THSD4: variants seen among roughly 807,000 people sequenced by gnomAD.
The protein encoded by THSD4 is thrombospondin type 1 domain containing 4, also known as thrombospondin type-1 domain-containing protein 4.
In THSD4, 69 loss-of-function variants were observed where a neutral mutation model predicts 119.0. That is an observed-to-expected ratio of 0.58 (90% CI 0.48 to 0.71). The LOEUF (loss-of-function observed/expected upper bound fraction) is 0.71. Ranked by LOEUF, THSD4 falls within the 30% of genes least tolerant of loss-of-function variation. The pLI is 0.00. For synonymous variants in THSD4, 524 were observed against 540.4 expected (o/e 0.97, Z 0.42); for missense variants, 1,393 against 1,391.1 (o/e 1.00, Z -0.02).
intron 6 of THSD4, among the ~76,000 whole-genome samples, chr15:71,319,044 G>C (rs1038321175): frequency 6.6e-5 from 10 of 152,294 alleles, no homozygotes; most frequent in Admixed American, 2.6e-4. Flanking sequence ...TTTAGAACCA[G>C]ATCTCCTGGA....
At chr15:71,622,803 A>G (rs1363270322) in intron 7 of THSD4, among the ~76,000 whole-genome samples, 3 of 152,216 alleles carry the variant, frequency 2.0e-5, no homozygotes, top group African/African-American at 7.2e-5. Context: ...TTGATCATAC[A>G]GTATTGGAAA....
intron 8 of THSD4, among the ~76,000 whole-genome samples, chr15:71,679,198 C>G (rs1157179079): frequency 6.6e-6 from 1 of 152,080 alleles, no homozygotes; most frequent in Non-Finnish European, 1.5e-5. Flanking sequence ...GAAAAGAGAC[C>G]CAGTGCTATG....
In THSD4 at chr15:71,195,555, C is replaced by A. The variant is rs532087134; in HGVS notation, c.100-19480C>A. ...GAGGTAGGGGGTGGCCAGGGGAGGG[C>A]CAATAACAAGTCCAGTTAAAAAGGC... On this transcript the variant is annotated intron_variant, in intron 3 of 17. Coordinates refer to ENST00000261862, the MANE Select transcript of THSD4 (RefSeq NM_024817.3). Among the ~76,000 whole-genome samples, 276 of 152,196 alleles carry A rather than the reference C, an allele frequency of 1.8e-3. 1 individual carries two copies. Among genetic ancestry groups the A allele is most frequent in the Middle Eastern group, 3.4e-3 (1 of 294 alleles).
At chr15:71,442,574 A>AT (rs2047113499) in intron 7 of THSD4, among the ~76,000 whole-genome samples, 1 of 62,488 alleles carries the variant, frequency 1.6e-5, no homozygotes, top group African/African-American at 5.5e-5. Context: ...ATCTCAAAAA[A>AT]AAAAAATATA....
At chr15:71,109,023 CA>C (rs1191650009) in intron 1 of THSD4, among the ~76,000 whole-genome samples, 4 of 151,878 alleles carry the variant, frequency 2.6e-5, no homozygotes, top group Non-Finnish European at 5.9e-5. Flanking sequence ...AAAAAACAAA[CA>C]AAAAAACAAA....
chr15:71,661,958 G>T (rs144026084), intron 8 of THSD4, among the ~76,000 whole-genome samples: 5 of 152,272 alleles, frequency 3.3e-5, no homozygotes, highest in African/African-American at 1.2e-4. Context: ...GGCACAGAGA[G>T]ATTATGTACC....
Position 71,658,651 on chromosome 15 carries a change from A to T in THSD4, c.1153-1879A>T, listed in dbSNP as rs567503148. On this transcript the variant is annotated intron_variant, in intron 7 of 17. Coordinates refer to ENST00000261862, the MANE Select transcript of THSD4 (RefSeq NM_024817.3). ...ATTCAAGGGGGGTGGGGCTATGGAA[A>T]TCACACATGGAAAACATATTCCTTA... Among the ~76,000 whole-genome samples the T allele has an allele frequency of 3.2e-4, 48 of 152,338 alleles. 1 individual carries two copies. In the South Asian group the frequency reaches 9.5e-3, roughly 30 times the overall value.
At chr15:71,465,234 T>C (rs2047483250) in intron 7 of THSD4, among the ~76,000 whole-genome samples, 1 of 152,198 alleles carries the variant, frequency 6.6e-6, no homozygotes, top group African/African-American at 2.4e-5. Flanking sequence ...GGAAACAAGG[T>C]CTCCCACAGG....
At chr15:71,393,149 C>T (rs972527049) in intron 6 of THSD4, among the ~76,000 whole-genome samples, 2 of 151,542 alleles carry the variant, frequency 1.3e-5, no homozygotes, top group Non-Finnish European at 1.5e-5. Context: ...GGGATTATGC[C>T]CCCTGCGTTC....
At chr15:71,286,244 T>C (rs758440382) in intron 6 of THSD4, among the ~76,000 whole-genome samples, 5 of 152,220 alleles carry the variant, frequency 3.3e-5, no homozygotes, top group Non-Finnish European at 5.9e-5. Flanking sequence ...GTTGTACAGA[T>C]TACTTCATCA....
At chr15:71,379,633 T>C (rs930032747) in intron 6 of THSD4, among the ~76,000 whole-genome samples, 7 of 151,638 alleles carry the variant, frequency 4.6e-5, no homozygotes, top group African/African-American at 1.7e-4. Context: ...TAATTTTTTG[T>C]ATTTTTAGTA....
intron 7 of THSD4, among the ~76,000 whole-genome samples, chr15:71,519,632 G>T (rs867741126): frequency 1.3e-5 from 2 of 152,346 alleles, no homozygotes; most frequent in Non-Finnish European, 1.5e-5. Context: ...AAAGTGCTGG[G>T]ATGACAGGCA....
At chr15:71,597,132 TG>T (rs2049920268) in intron 7 of THSD4, among the ~76,000 whole-genome samples, 2 of 152,216 alleles carry the variant, frequency 1.3e-5, no homozygotes. Flanking sequence ...TGTTTCTGGG[TG>T]GGGCCATTGA....
At chr15:71,399,130 TG>T (rs1251717610) in intron 6 of THSD4, among the ~76,000 whole-genome samples, 1 of 151,642 alleles carries the variant, frequency 6.6e-6, no homozygotes, top group Non-Finnish European at 1.5e-5. Flanking sequence ...AGTAGTGAGG[TG>T]GGGGGTGCAG....
intron 4 of THSD4, among the ~76,000 whole-genome samples, chr15:71,239,891 C>T (rs867822088): frequency 6.6e-6 from 1 of 152,216 alleles, no homozygotes; most frequent in African/African-American, 2.4e-5. Context: ...TTCTCCTGGC[C>T]AAGCCAGAAT....
intron 6 of THSD4, among the ~76,000 whole-genome samples, chr15:71,260,176 G>A (rs1252622238): frequency 3.3e-5 from 5 of 152,166 alleles, no homozygotes; most frequent in Admixed American, 2.0e-4. Flanking sequence ...TGTATTACAT[G>A]TGAATGCCTG....
chr15:71,134,915 C>A (rs575478989), intron 1 of THSD4, among the ~76,000 whole-genome samples: 32 of 149,558 alleles, frequency 2.1e-4, no homozygotes, highest in Non-Finnish European at 3.0e-5. Flanking sequence ...GACACATGCA[C>A]ACGTATGTTT....
At chr15:71,564,827 T>TATATATTGTATATTATAACATATAATACA (rs1446388020) in intron 7 of THSD4, among the ~76,000 whole-genome samples, 2 of 10,018 alleles carry the variant, frequency 2.0e-4, no homozygotes, top group Non-Finnish European at 1.0e-3. Context: ...CATATAATAC[T>TATATATTGTATATTATAACATATAATACA]ATATATTGTA....
chr15:71,384,513 T>C (rs1018151760), intron 6 of THSD4, among the ~76,000 whole-genome samples: 2 of 152,210 alleles, frequency 1.3e-5, no homozygotes, highest in African/African-American at 4.8e-5. Flanking sequence ...CTTTTTGCCT[T>C]CTGGATGAGG....
Sources: allele counts gnomAD v4.1 joint callset (sites outside exome capture counted in the v4.1 genomes callset), GRCh38; gene constraint gnomAD v4.1.1; transcripts MANE v1.5; gene names NCBI Gene and HGNC (gene_info 2026-07-23, HGNC 2026-07-21).